ITPR2: variants seen among roughly 807,000 people sequenced by gnomAD.
The protein encoded by ITPR2 is inositol 1,4,5-trisphosphate-gated calcium channel ITPR2.
In ITPR2, 207 loss-of-function variants were observed where a neutral mutation model predicts 317.1. That is an observed-to-expected ratio of 0.65 (90% CI 0.58 to 0.73). The LOEUF is 0.73. ITPR2 is among the 30% of genes least tolerant of loss of function. ITPR2 has a pLI of 0.00. For missense variants in ITPR2, 2,613 were observed against 3,284.0 expected, an observed-to-expected ratio of 0.80 and a Z score of 4.99; for synonymous variants, 1,156 against 1,149.1, an observed-to-expected ratio of 1.01 and a Z score of -0.12.
At chr12:26,357,291 G>T (rs1333955978) in intron 55 of ITPR2, among the ~76,000 whole-genome samples, 1 of 152,118 alleles carries the variant, frequency 6.6e-6, no homozygotes, top group East Asian at 1.9e-4. Context: ...CATGGCCAAT[G>T]ATTCAATCAA....
chr12:26,582,487 T>C (rs971210111), intron 32 of ITPR2, among the ~76,000 whole-genome samples: 12 of 152,230 alleles, frequency 7.9e-5, no homozygotes, highest in Non-Finnish European at 1.6e-4. Flanking sequence ...TAAAAAGCTA[T>C]ATTTATTCCA....
chr12:26,773,976 G>A (rs1178574715), intron 2 of ITPR2, among the ~76,000 whole-genome samples: 1 of 138,934 alleles, frequency 7.2e-6, no homozygotes, highest in African/African-American at 2.6e-5. Flanking sequence ...ACATTCAACT[G>A]GAGAATTTTT....
intron 23 of ITPR2, among the ~76,000 whole-genome samples, chr12:26,624,801 G>C (rs1324199765): frequency 6.7e-6 from 1 of 149,810 alleles, no homozygotes; most frequent in Non-Finnish European, 1.5e-5. Flanking sequence ...ACTAAAAATT[G>C]AGCTACCATA....
At chr12:26,438,053 G>A (rs536046329) in intron 47 of ITPR2, among the ~76,000 whole-genome samples, 6 of 151,918 alleles carry the variant, frequency 3.9e-5, no homozygotes, top group South Asian at 4.2e-4. Flanking sequence ...TGCCTGCCTC[G>A]GCCTCCCAAA....
At chr12:26,340,942 A>T (rs1289426523) in intron 55 of ITPR2, among the ~76,000 whole-genome samples, 1 of 152,174 alleles carries the variant, frequency 6.6e-6, no homozygotes, top group Non-Finnish European at 1.5e-5. Context: ...ACAGGGCAAT[A>T]GCTGGTTCCA....
At chr12:26,740,734 C>G (rs933839506) in intron 2 of ITPR2, among the ~76,000 whole-genome samples, 4 of 152,182 alleles carry the variant, frequency 2.6e-5, no homozygotes, top group Non-Finnish European at 5.9e-5. Flanking sequence ...CAACAAATTT[C>G]TAGACAAAAC....
intron 13 of ITPR2, among the ~76,000 whole-genome samples, chr12:26,680,811 A>G (rs1223882850): frequency 1.3e-5 from 2 of 152,236 alleles, no homozygotes; most frequent in East Asian, 3.8e-4. Context: ...TATTTCAAAC[A>G]AAGCTGAACA....
At chr12:26,572,376 G>A (rs1945184059) in intron 34 of ITPR2, among the ~76,000 whole-genome samples, 1 of 152,166 alleles carries the variant, frequency 6.6e-6, no homozygotes, top group Non-Finnish European at 1.5e-5. Flanking sequence ...GGAGATTCAT[G>A]GCAATCCATT....
At position 26,714,222 on chromosome 12, in the gene ITPR2, G is replaced by T. The variant is rs182991527; in HGVS notation, c.855+1077C>A. ...GCATCTCGTCGGTAATTTGCCTAAA[G>T]TATTATCCCTACTTTGATTATGGTT... On this transcript the variant is annotated intron_variant, in intron 8 of 56. Coordinates refer to ENST00000381340, the MANE Select transcript of ITPR2 (RefSeq NM_002223.4). 4.8e-3 allele frequency among the ~76,000 whole-genome samples: 738 copies of T among 152,212 alleles called. 6 individuals carry two copies. Among genetic ancestry groups the T allele is most frequent in the African/African-American group, 0.017 (694 of 41,520 alleles).
chr12:26,725,815 T>C (rs895875163), intron 2 of ITPR2, 50 bp from the exon 3 acceptor site: 8 of 1,212,102 alleles, frequency 6.6e-6, no homozygotes, highest in Admixed American at 3.5e-5. Context: ...TACTAGCATT[T>C]CTTAGATTTC....
At chr12:26,517,833 G>A (rs1247102187) in intron 37 of ITPR2, among the ~76,000 whole-genome samples, 1 of 151,642 alleles carries the variant, frequency 6.6e-6, no homozygotes, top group Non-Finnish European at 1.5e-5. Context: ...GCAAGACTCT[G>A]TATCAAACAA....
intron 1 of ITPR2, among the ~76,000 whole-genome samples, chr12:26,808,430 T>G (rs1950675049): frequency 1.3e-5 from 2 of 152,230 alleles, no homozygotes; most frequent in Admixed American, 1.3e-4. Context: ...AAAATGTTCA[T>G]TTTGTCATTG....
chr12:26,357,042 A>C (rs995860099), intron 55 of ITPR2, among the ~76,000 whole-genome samples: 3 of 152,060 alleles, frequency 2.0e-5, no homozygotes, highest in Non-Finnish European at 4.4e-5. Flanking sequence ...CAATCATATC[A>C]CTTGGTATTT....
chr12:26,731,122 GA>G (rs5797193), intron 2 of ITPR2, among the ~76,000 whole-genome samples: 58,717 of 151,408 alleles, frequency 0.39, 12,199 homozygotes, highest in Non-Finnish European at 0.48. Flanking sequence ...GGCAATGGTG[GA>G]AAAAAAAAAT....
chr12:26,367,667 T>C (rs1263646153), intron 55 of ITPR2, among the ~76,000 whole-genome samples: 1 of 152,122 alleles, frequency 6.6e-6, no homozygotes, highest in Non-Finnish European at 1.5e-5. Context: ...TTAGAACAAA[T>C]AAGAATGGGC....
intron 55 of ITPR2, among the ~76,000 whole-genome samples, chr12:26,345,484 T>C (rs1181964491): frequency 6.6e-6 from 1 of 152,164 alleles, no homozygotes; most frequent in African/African-American, 2.4e-5. Context: ...CAATATACTG[T>C]GATAAAAGTG....
intron 1 of ITPR2, among the ~76,000 whole-genome samples, chr12:26,794,668 A>T (rs1327640696): frequency 5.3e-5 from 8 of 152,250 alleles, no homozygotes; most frequent in Non-Finnish European, 8.8e-5. Context: ...CAACCAAATG[A>T]CAACTATAAT....
At chr12:26,419,457 C>T (rs1940822259) in intron 49 of ITPR2, 2 of 354,920 alleles carry the variant, frequency 5.6e-6, no homozygotes, top group Admixed American at 4.3e-5. Flanking sequence ...ACATGCAAAA[C>T]TTGCATCCTT....
At chr12:26,684,473 T>C (rs775152067) in intron 11 of ITPR2, among the ~76,000 whole-genome samples, 14 of 152,240 alleles carry the variant, frequency 9.2e-5, no homozygotes, top group Non-Finnish European at 1.9e-4. Flanking sequence ...CTGTAAGAGT[T>C]ACTGCCAGTA....
Sources: gnomAD v4.1 joint callset for allele counts (sites outside exome capture counted in the v4.1 genomes callset) on GRCh38, gnomAD v4.1.1 for gene constraint, MANE v1.5 for transcripts, NCBI Gene and HGNC (gene_info 2026-07-23, HGNC 2026-07-21) for gene names.